The following MTNR1B variants were observed in gnomAD, a reference collection of about 807,000 sequenced individuals.
MTNR1B encodes the protein melatonin receptor 1B.
MTNR1B carries 7 observed loss-of-function variants against 7.0 expected under a neutral mutation model. That is an observed-to-expected ratio of 1.00 (90% CI 0.57 to 1.88). The LOEUF (loss-of-function observed/expected upper bound fraction) is 1.88. MTNR1B is among the 40% of genes most tolerant of loss of function. The pLI is 0.00. For synonymous variants in MTNR1B, 226 were observed against 208.2 expected, an observed-to-expected ratio of 1.09 and a Z score of -0.74; for missense variants, 478 against 486.5, an observed-to-expected ratio of 0.98 and a Z score of 0.16.
At chr11:92,974,383 G>C (rs1311939514) in intron 1 of MTNR1B, among the ~76,000 whole-genome samples, 1 of 152,210 alleles carries the variant, frequency 6.6e-6, no homozygotes, top group East Asian at 1.9e-4. Flanking sequence ...CCATGATTGG[G>C]AGGCTTCCCC....
chr11:92,973,811 A>G (rs543642563), intron 1 of MTNR1B, among the ~76,000 whole-genome samples: 2 of 152,330 alleles, frequency 1.3e-5, no homozygotes, highest in Non-Finnish European at 2.9e-5. Context: ...ACAGAGCCAG[A>G]CACATAGTAA....
chr11:92,982,453 T>C lies in MTNR1B; in HGVS notation c.*141T>C. 9.5e-7 allele frequency: 1 copy of C among 1,051,258 alleles called. No individual in the cohort carries two copies. The allele number at this position is 1,051,258 out of a possible 1,614,324, so 65.1% of individuals were successfully genotyped here. A position where few individuals can be genotyped will look rare whatever the true frequency, so the allele number is the denominator to read the frequency against. ...CCCCAAGGCTGGGGGAACTTCATGC[T>C]GGGACAAGCAGCCCATCAACGCCAT... On this transcript the variant is annotated 3_prime_UTR_variant, in exon 2 of 2. Transcript: ENST00000257068.
In MTNR1B at chr11:92,969,958, A is replaced by G. The variant is rs373074864; in HGVS notation, c.223+10A>G. On this transcript the variant is annotated intron_variant, in intron 1 of 1. Transcript: ENST00000257068. Reference sequence around the variant, plus strand: ...AAGCTCCGGAACGCAGGTGAGCACCATTCCTGATGCTGGGTGCTGGCATCG... The same window carrying G: ...AAGCTCCGGAACGCAGGTGAGCACCGTTCCTGATGCTGGGTGCTGGCATCG... The G allele has an allele frequency of 3.1e-5, 49 of 1,599,506 alleles. No individual in the cohort carries two copies. Among genetic ancestry groups the G allele is most frequent in the Middle Eastern group, 3.3e-4 (2 of 6,036 alleles).
chr11:92,970,960 G>A (rs1398413751), intron 1 of MTNR1B, among the ~76,000 whole-genome samples: 1 of 151,916 alleles, frequency 6.6e-6, no homozygotes, highest in Non-Finnish European at 1.5e-5. Context: ...TGTGACTCTA[G>A]AAATTTTTTT....
At chr11:92,976,079 A>T (rs1487766241) in intron 1 of MTNR1B, among the ~76,000 whole-genome samples, 2 of 152,242 alleles carry the variant, frequency 1.3e-5, no homozygotes, top group Non-Finnish European at 2.9e-5. Context: ...GAAAGCTAAT[A>T]ATCCTCTTTA....
chr11:92,975,491 G>A (rs1221854558), intron 1 of MTNR1B, among the ~76,000 whole-genome samples: 3 of 152,178 alleles, frequency 2.0e-5, no homozygotes, highest in Admixed American at 6.5e-5. Context: ...GTCTATGCTG[G>A]CAAAGCTGCC....
chr11:92,972,535 A>G, intron 1 of MTNR1B: 1 of 456,212 alleles, frequency 2.2e-6, no homozygotes, highest in South Asian at 1.5e-5. Flanking sequence ...AAAGGCAGAC[A>G]GGGAGGAGTG....
At position 92,975,769 on chromosome 11, in the gene MTNR1B, CA is replaced by C. The variant is rs374682606; in HGVS notation, c.224-5677del. On this transcript the variant is annotated intron_variant, in intron 1 of 1. Transcript: ENST00000257068. ...TAGAGTGAAATGCTTAATAGGCCCA[CA>C]GCCCCTACCCTCCAAGTTATAGAAT... Among the ~76,000 whole-genome samples the C allele has an allele frequency of 5.3e-5, 8 of 152,324 alleles. No homozygotes were observed. The East Asian group carries it at 9.7e-4, about 18-fold the overall frequency.
At chr11:92,979,928 G>A (rs1363622742) in intron 1 of MTNR1B, among the ~76,000 whole-genome samples, 1 of 152,166 alleles carries the variant, frequency 6.6e-6, no homozygotes, top group Non-Finnish European at 1.5e-5. Context: ...AAGTCCAGGT[G>A]TGCCATCTAC....
chr11:92,984,746 C>A (rs1858172250), downstream of MTNR1B: 1 of 385,800 alleles, frequency 2.6e-6, no homozygotes, highest in South Asian at 2.0e-5. Flanking sequence ...TAGCTGTTAC[C>A]TGGTTTGCCA....
intron 1 of MTNR1B, among the ~76,000 whole-genome samples, chr11:92,978,658 T>A (rs923469577): frequency 1.1e-4 from 16 of 152,196 alleles, no homozygotes; most frequent in Admixed American, 4.6e-4. Context: ...CAAGAAAGCC[T>A]GGAGACAGTG....
chr11:92,972,378 A>G (rs969623405), intron 1 of MTNR1B: 15 of 455,868 alleles, frequency 3.3e-5, no homozygotes, highest in Admixed American at 2.4e-4. Context: ...CAGTTCCTCT[A>G]TGGAGCAGAT....
chr11:92,982,491 A>C lies in MTNR1B; in HGVS notation c.*179A>C. On this transcript the variant is annotated 3_prime_UTR_variant, in exon 2 of 2. Coordinates refer to ENST00000257068, the MANE Select transcript of MTNR1B (RefSeq NM_005959.5). ...CCATCAACGCCATGGGTTCAGGCTG[A>C]TCCAGGAGATGCTCACAGGCCACAG... is the stretch of plus-strand genomic sequence containing the variant. The C allele has an allele frequency of 1.4e-6, 1 of 705,426 alleles. No individual in the cohort carries two copies. The highest frequency in any genetic ancestry group is 2.3e-6 in the Non-Finnish European group (1 of 437,468). 43.7% of individuals were successfully genotyped at this position (705,426 alleles called of 1,614,324 possible). A position where few individuals can be genotyped will look rare whatever the true frequency, so the allele number is the denominator to read the frequency against.
At chr11:92,970,007 T>C (rs1857900101) in intron 1 of MTNR1B, 59 bp downstream of exon 1, 1 of 1,455,954 alleles carries the variant, frequency 6.9e-7, no homozygotes, top group African/African-American at 1.4e-5. Flanking sequence ...CTTCTGATCT[T>C]GTCCCTGACC....
rs899703722 is a variant in MTNR1B at position 92,982,684 on chromosome 11, T to A, written c.*372T>A. 4.0e-6 allele frequency: 1 copy of A among 249,104 alleles called. No homozygotes were observed. Among genetic ancestry groups the A allele is most frequent in the Admixed American group, 5.0e-5 (1 of 20,054 alleles). The allele number at this position is 249,104 out of a possible 1,614,324, so 15.4% of individuals were successfully genotyped here. A position where few individuals can be genotyped will look rare whatever the true frequency, so the allele number is the denominator to read the frequency against. On this transcript the variant is annotated 3_prime_UTR_variant, in exon 2 of 2. Transcript: ENST00000257068. Reference sequence around the variant, plus strand: ...CTGCTTTCTCCCCTTCCCCCCAGCGTGGCAGGATCTCTTCCTGTTAGCAAG... The same window carrying A: ...CTGCTTTCTCCCCTTCCCCCCAGCGAGGCAGGATCTCTTCCTGTTAGCAAG...
At chr11:92,974,371 C>A (rs1475601824) in intron 1 of MTNR1B, among the ~76,000 whole-genome samples, 2 of 152,210 alleles carry the variant, frequency 1.3e-5, no homozygotes, top group African/African-American at 4.8e-5. Flanking sequence ...CCTTGCCTTC[C>A]ACCATGATTG....
chr11:92,976,066 C>A (rs1858005422), intron 1 of MTNR1B, among the ~76,000 whole-genome samples: 1 of 152,202 alleles, frequency 6.6e-6, no homozygotes, highest in Non-Finnish European at 1.5e-5. Flanking sequence ...GCTGAATAAT[C>A]AGGAAAGCTA....
intron 1 of MTNR1B, among the ~76,000 whole-genome samples, chr11:92,973,473 C>G (rs1446409413): frequency 6.6e-6 from 1 of 152,220 alleles, no homozygotes; most frequent in South Asian, 2.1e-4. Flanking sequence ...GCCCACCTAA[C>G]TTACAGCCTC....
chr11:92,970,475 T>C (rs1473195358), intron 1 of MTNR1B, among the ~76,000 whole-genome samples: 2 of 152,228 alleles, frequency 1.3e-5, no homozygotes. Context: ...CAATTCCAGT[T>C]GACGGAGAGT....
Sources: gnomAD v4.1 joint callset for allele counts (sites outside exome capture counted in the v4.1 genomes callset) on GRCh38, gnomAD v4.1.1 for gene constraint, MANE v1.5 for transcripts, NCBI Gene and HGNC (gene_info 2026-07-23, HGNC 2026-07-21) for gene names.